EBF1: variants seen among roughly 807,000 people sequenced by gnomAD.
The protein encoded by EBF1 is EBF transcription factor 1.
EBF1 carries 10 observed loss-of-function variants against 68.4 expected under a neutral mutation model. The observed-to-expected ratio is 0.15, with a 90% CI of 0.09 to 0.25. The LOEUF is 0.25. Among genes scored for constraint, EBF1 ranks in the 10% least tolerant of loss-of-function variants. EBF1 has a pLI of 1.00. For missense variants in EBF1, 509 were observed against 794.4 expected (o/e 0.64, Z 4.32); for synonymous variants, 298 against 299.8 (o/e 0.99, Z 0.06).
At chr5:158,932,631 A>G (rs1016927236) in intron 6 of EBF1, among the ~76,000 whole-genome samples, 3 of 152,212 alleles carry the variant, frequency 2.0e-5, no homozygotes, top group African/African-American at 7.2e-5. Flanking sequence ...GAAGTTTTAT[A>G]TTATGGTATA....
intron 10 of EBF1, among the ~76,000 whole-genome samples, chr5:158,759,504 G>A (rs1452954313): frequency 2.0e-5 from 3 of 152,180 alleles, no homozygotes; most frequent in Non-Finnish European, 4.4e-5. Context: ...TGGGGGATGG[G>A]ATAGGGAGAG....
At chr5:158,801,249 A>G (rs1252760562) in intron 8 of EBF1, among the ~76,000 whole-genome samples, 1 of 152,146 alleles carries the variant, frequency 6.6e-6, no homozygotes, top group Admixed American at 6.6e-5. Flanking sequence ...TGTTATAATA[A>G]TGATCACTCC....
chr5:158,857,353 T>C (rs187041579), intron 6 of EBF1, among the ~76,000 whole-genome samples: 4 of 152,220 alleles, frequency 2.6e-5, no homozygotes, highest in African/African-American at 9.6e-5. Flanking sequence ...CTCTCCTCTG[T>C]GCTTCTGCTA....
intron 7 of EBF1, among the ~76,000 whole-genome samples, chr5:158,831,579 A>C (rs1787581176): frequency 6.6e-6 from 1 of 152,126 alleles, no homozygotes; most frequent in Non-Finnish European, 1.5e-5. Context: ...AATATCTTCC[A>C]CCTAGATGAT....
At chr5:158,941,355 A>G (rs941354282) in intron 6 of EBF1, 2 of 434,262 alleles carry the variant, frequency 4.6e-6, no homozygotes, top group Non-Finnish European at 4.6e-6. Context: ...TCAGAGGCAA[A>G]GGAACCAATA....
intron 6 of EBF1, among the ~76,000 whole-genome samples, chr5:158,898,385 G>T (rs1802587470): frequency 6.6e-6 from 1 of 152,162 alleles, no homozygotes; most frequent in African/African-American, 2.4e-5. Context: ...ATTACTCATT[G>T]TAGTCAAATG....
intron 5 of EBF1, among the ~76,000 whole-genome samples, chr5:159,083,392 G>A (rs910155540): frequency 6.6e-6 from 1 of 152,026 alleles, no homozygotes; most frequent in Non-Finnish European, 1.5e-5. Flanking sequence ...CATATTTTGG[G>A]GGTTCTGCTA....
At chr5:158,847,330 G>A (rs1380250712) in intron 6 of EBF1, among the ~76,000 whole-genome samples, 1 of 152,192 alleles carries the variant, frequency 6.6e-6, no homozygotes, top group African/African-American at 2.4e-5. Context: ...CCTCATACTA[G>A]AAGTCAAATC....
At chr5:158,913,692 C>G (rs182158512) in intron 6 of EBF1, among the ~76,000 whole-genome samples, 2 of 152,290 alleles carry the variant, frequency 1.3e-5, no homozygotes, top group African/African-American at 4.8e-5. Context: ...AGGGAGCAGG[C>G]CCTCCATCTC....
At chr5:159,049,426 G>GA (rs556276399) in intron 6 of EBF1, among the ~76,000 whole-genome samples, 3 of 151,782 alleles carry the variant, frequency 2.0e-5, no homozygotes, top group Non-Finnish European at 2.9e-5. Flanking sequence ...ATGGTGGAGG[G>GA]AAAAAAAATC....
At chr5:159,056,425 C>G (rs1251595754) in intron 6 of EBF1, among the ~76,000 whole-genome samples, 1 of 152,196 alleles carries the variant, frequency 6.6e-6, no homozygotes, top group Non-Finnish European at 1.5e-5. Context: ...CCACCTCTCC[C>G]TCTAGCTTAC....
intron 6 of EBF1, among the ~76,000 whole-genome samples, chr5:159,040,992 T>C (rs1297835590): frequency 1.3e-5 from 2 of 152,218 alleles, no homozygotes; most frequent in Non-Finnish European, 2.9e-5. Context: ...ATAGTAGCTG[T>C]TTAGAAACGG....
At chr5:159,051,419 C>G (rs1332425100) in intron 6 of EBF1, among the ~76,000 whole-genome samples, 1 of 135,400 alleles carries the variant, frequency 7.4e-6, no homozygotes, top group African/African-American at 2.8e-5. Context: ...CCCCTCCCCC[C>G]CGCTCCCGCA....
At chr5:158,723,834 T>C (rs1342732039) in intron 11 of EBF1, among the ~76,000 whole-genome samples, 1 of 152,066 alleles carries the variant, frequency 6.6e-6, no homozygotes, top group Non-Finnish European at 1.5e-5. Context: ...AATTACAACT[T>C]TCATGGGGGT....
At chr5:158,886,756 A>T (rs930155196) in intron 6 of EBF1, among the ~76,000 whole-genome samples, 1 of 152,248 alleles carries the variant, frequency 6.6e-6, no homozygotes, top group African/African-American at 2.4e-5. Context: ...TCATGCCTGT[A>T]ATCCCAGCAC....
chr5:159,036,004 C>T (rs1005241318), intron 6 of EBF1, among the ~76,000 whole-genome samples: 4 of 152,176 alleles, frequency 2.6e-5, no homozygotes, highest in Non-Finnish European at 5.9e-5. Context: ...AACTATTTCA[C>T]TCTATTCATA....
At chr5:158,909,956 TAAAAA>T (rs59274919) in intron 6 of EBF1, among the ~76,000 whole-genome samples, 1 of 46,730 alleles carries the variant, frequency 2.1e-5, no homozygotes, top group Non-Finnish European at 4.1e-5. Flanking sequence ...ACTCTGTCTA[TAAAAA>T]AAAAAAAAAA....
intron 7 of EBF1, among the ~76,000 whole-genome samples, chr5:158,828,875 C>A (rs898441861): frequency 1.3e-5 from 2 of 152,094 alleles, no homozygotes; most frequent in Non-Finnish European, 2.9e-5. Flanking sequence ...AGCTATCAAG[C>A]CACAGACAGT....
In EBF1 at chr5:158,875,087, A is replaced by ACACACC. The variant is rs10581960; in HGVS notation, c.555-34978_555-34977insGGTGTG. The stretch of plus-strand genomic sequence containing the variant: ...CACACACACACACACACACACACAC[A>ACACACC]CCAGGCAGTTTTGGCCAAATTGTAT... On this transcript the variant is annotated intron_variant, in intron 6 of 15. Transcript: ENST00000313708. Among the ~76,000 whole-genome samples the ACACACC allele has an allele frequency of 5.4e-5, 8 of 149,120 alleles. No homozygotes were observed. In the South Asian group the frequency reaches 1.3e-3, roughly 24 times the overall value.
Sources: allele counts gnomAD v4.1 joint callset (sites outside exome capture counted in the v4.1 genomes callset), GRCh38; gene constraint gnomAD v4.1.1; transcripts MANE v1.5; gene names NCBI Gene and HGNC (gene_info 2026-07-23, HGNC 2026-07-21).